AKAP6: variants seen among roughly 807,000 people sequenced by gnomAD.
The protein encoded by AKAP6 is A-kinase anchoring protein 6.
Under a neutral mutation model 188.5 loss-of-function variants are expected in AKAP6, and 58 were observed. That is an observed-to-expected ratio of 0.31 (90% CI 0.25 to 0.38). The LOEUF (loss-of-function observed/expected upper bound fraction) is 0.38. AKAP6 is among the 10% of genes least tolerant of loss of function. The pLI is 1.00. For missense variants in AKAP6, 2,710 were observed against 2,740.0 expected, an observed-to-expected ratio of 0.99 and a Z score of 0.24; for synonymous variants, 989 against 998.6, an observed-to-expected ratio of 0.99 and a Z score of 0.18.
At chr14:32,734,056 T>C (rs1035067456) in intron 10 of AKAP6, 3 of 152,152 alleles carry the variant, frequency 2.0e-5, no homozygotes, top group East Asian at 1.9e-4. Context: ...AGCTATCCTT[T>C]ATGAATCAGA....
intron 2 of AKAP6, among the ~76,000 whole-genome samples, chr14:32,512,156 CT>C (rs1464671758): frequency 6.6e-6 from 1 of 152,034 alleles, no homozygotes; most frequent in Non-Finnish European, 1.5e-5. Context: ...TGGAGGGGTG[CT>C]TTTTAATCAT....
intron 5 of AKAP6, among the ~76,000 whole-genome samples, chr14:32,589,653 G>C (rs1885399753): frequency 6.6e-6 from 1 of 152,142 alleles, no homozygotes; most frequent in Non-Finnish European, 1.5e-5. Flanking sequence ...GGACTCTTGG[G>C]CCATAATACC....
chr14:32,675,243 CA>C (rs1414675138), intron 7 of AKAP6, among the ~76,000 whole-genome samples: 1 of 152,180 alleles, frequency 6.6e-6, no homozygotes, highest in Non-Finnish European at 1.5e-5. Context: ...TTGATGGCAT[CA>C]TGGGTCTTTT....
intron 4 of AKAP6, among the ~76,000 whole-genome samples, chr14:32,550,052 G>A (rs991695599): frequency 2.6e-5 from 4 of 152,196 alleles, no homozygotes; most frequent in Non-Finnish European, 5.9e-5. Flanking sequence ...AAGAATTCAG[G>A]AGCCATTCAG....
Position 32,824,080 on chromosome 14 carries a change from A to G in AKAP6, c.6267A>G (p.Gln2089=). ...NEVAAPTSLT[Q]IKEKVLEHSH... ...TGGCTGCTCCTACTTCATTAACTCA[A>G]ATCAAGGAGAAAGTGTTGGAGCATT... Residue 2089 remains glutamine, a synonymous_variant, in exon 13 of 14, where the codon CAA becomes CAG. Transcript: ENST00000280979. 6.2e-7 allele frequency: 1 copy of G among 1,613,900 alleles called. No individual in the cohort carries two copies. The highest frequency in any genetic ancestry group is 8.5e-7 in the Non-Finnish European group (1 of 1,179,910).
At chr14:32,630,483 C>T (rs976086813) in intron 7 of AKAP6, among the ~76,000 whole-genome samples, 2 of 151,776 alleles carry the variant, frequency 1.3e-5, no homozygotes, top group Non-Finnish European at 2.9e-5. Flanking sequence ...TTTTATTTTC[C>T]AAGACATTTT....
chr14:32,750,204 T>C (rs1425765279), intron 11 of AKAP6, among the ~76,000 whole-genome samples: 1 of 152,168 alleles, frequency 6.6e-6, no homozygotes, highest in Non-Finnish European at 1.5e-5. Flanking sequence ...AAGGATTTTT[T>C]TTAATTACGT....
intron 12 of AKAP6, among the ~76,000 whole-genome samples, chr14:32,801,246 T>C (rs1474894335): frequency 6.6e-6 from 1 of 152,226 alleles, no homozygotes; most frequent in Non-Finnish European, 1.5e-5. Flanking sequence ...TTATTTTAAA[T>C]GAACATTTTA....
chr14:32,617,517 A>T (rs561710084), intron 7 of AKAP6, among the ~76,000 whole-genome samples: 5 of 152,230 alleles, frequency 3.3e-5, no homozygotes, highest in Non-Finnish European at 7.3e-5. Context: ...GCACACTGCA[A>T]TGCTCAGCGT....
intron 12 of AKAP6, among the ~76,000 whole-genome samples, chr14:32,780,764 A>AT (rs1161726669): frequency 6.6e-6 from 1 of 152,096 alleles, no homozygotes; most frequent in Admixed American, 6.6e-5. Flanking sequence ...CTCCATATCT[A>AT]TTTTTTTAAG....
At chr14:32,670,155 AG>A (rs1157843847) in intron 7 of AKAP6, among the ~76,000 whole-genome samples, 2 of 152,004 alleles carry the variant, frequency 1.3e-5, no homozygotes. Flanking sequence ...ACTATCACAA[AG>A]CCCCTTATAA....
chr14:32,722,143 G>T (rs1236042519), intron 9 of AKAP6, among the ~76,000 whole-genome samples: 2 of 151,978 alleles, frequency 1.3e-5, no homozygotes, highest in African/African-American at 2.4e-5. Flanking sequence ...ACTTTTATTT[G>T]CCCTCTTAGC....
intron 1 of AKAP6, among the ~76,000 whole-genome samples, chr14:32,355,010 T>C (rs1201183877): frequency 6.6e-6 from 1 of 152,178 alleles, no homozygotes; most frequent in Non-Finnish European, 1.5e-5. Context: ...GAACGACAGA[T>C]GGTGACATTT....
intron 1 of AKAP6, among the ~76,000 whole-genome samples, chr14:32,400,443 G>C (rs1354354570): frequency 6.6e-6 from 1 of 150,550 alleles, no homozygotes; most frequent in East Asian, 2.0e-4. Context: ...TTGGGACTTT[G>C]AGGGTTTCAC....
chr14:32,556,231 A>G (rs930008803), intron 4 of AKAP6, among the ~76,000 whole-genome samples: 53 of 152,026 alleles, frequency 3.5e-4, no homozygotes, highest in African/African-American at 1.1e-3. Context: ...CTTTCCATAT[A>G]CTTGTTGGCT....
intron 2 of AKAP6, among the ~76,000 whole-genome samples, chr14:32,471,092 A>C (rs1381152764): frequency 6.6e-6 from 1 of 152,250 alleles, no homozygotes; most frequent in Admixed American, 6.5e-5. Flanking sequence ...AGGTTCTTTC[A>C]TATTACAAAA....
chr14:32,339,223 G>C (rs372040788), intron 1 of AKAP6, among the ~76,000 whole-genome samples: 3 of 152,108 alleles, frequency 2.0e-5, no homozygotes, highest in Non-Finnish European at 4.4e-5. Context: ...CATTTGTTAC[G>C]AGAGTAAATG....
intron 3 of AKAP6, among the ~76,000 whole-genome samples, chr14:32,543,598 G>A (rs536347839): frequency 6.6e-6 from 1 of 152,208 alleles, no homozygotes; most frequent in Non-Finnish European, 1.5e-5. Flanking sequence ...TAGCCTTTTT[G>A]AGGAAAAGTT....
At chr14:32,538,670 A>G (rs1882791054) in intron 3 of AKAP6, among the ~76,000 whole-genome samples, 1 of 152,154 alleles carries the variant, frequency 6.6e-6, no homozygotes, top group African/African-American at 2.4e-5. Flanking sequence ...GTTGTTCTGC[A>G]ATTTTCTATA....
Sources: allele counts gnomAD v4.1 joint callset (sites outside exome capture counted in the v4.1 genomes callset), GRCh38; gene constraint gnomAD v4.1.1; transcripts MANE v1.5; gene names NCBI Gene and HGNC (gene_info 2026-07-23, HGNC 2026-07-21).